TSPAN12: variants seen among roughly 807,000 people sequenced by gnomAD.
TSPAN12 encodes the protein tetraspanin 12.
A neutral mutation model predicts 39.2 loss-of-function variants in TSPAN12; 19 were observed. The observed-to-expected ratio is 0.49, with a 90% CI of 0.34 to 0.71. TSPAN12 has a LOEUF of 0.71. Ranked by LOEUF, TSPAN12 falls within the 30% of genes least tolerant of loss-of-function variation. The probability of loss-of-function intolerance (pLI) is 0.01; values close to 1 mark genes in which losing one functional copy is unlikely to be tolerated. For missense variants in TSPAN12, 314 were observed against 359.9 expected (o/e 0.87, Z 1.03); for synonymous variants, 119 against 124.8 (o/e 0.95, Z 0.31).
At chr7:120,843,847 G>A (rs1194707554) in intron 2 of TSPAN12, among the ~76,000 whole-genome samples, 2 of 152,144 alleles carry the variant, frequency 1.3e-5, no homozygotes, top group African/African-American at 2.4e-5. Context: ...CCCTCTACTT[G>A]GCTATATGTG....
chr7:120,805,303 A>C, intron 7 of TSPAN12, among the ~76,000 whole-genome samples: 1 of 152,266 alleles, frequency 6.6e-6, no homozygotes, highest in African/African-American at 2.4e-5. Flanking sequence ...TACAACATCC[A>C]AATTAATTAA....
intron 2 of TSPAN12, among the ~76,000 whole-genome samples, chr7:120,847,247 A>C (rs1584953086): frequency 1.4e-5 from 2 of 142,116 alleles, no homozygotes; most frequent in South Asian, 4.2e-4. Flanking sequence ...AAAAAAAAAA[A>C]CAAAAAACCA....
At chr7:120,832,343 G>C (rs1347295557) in intron 4 of TSPAN12, among the ~76,000 whole-genome samples, 2 of 151,986 alleles carry the variant, frequency 1.3e-5, no homozygotes, top group Non-Finnish European at 2.9e-5. Context: ...CTAACTTTTT[G>C]ATAAAGACCT....
chr7:120,815,172 A>G (rs1794055833), intron 5 of TSPAN12, among the ~76,000 whole-genome samples: 1 of 152,214 alleles, frequency 6.6e-6, no homozygotes, highest in African/African-American at 2.4e-5. Context: ...TTTACAAATT[A>G]TGGTTTGGAA....
intron 7 of TSPAN12, among the ~76,000 whole-genome samples, chr7:120,806,038 A>G (rs1043053631): frequency 3.9e-5 from 6 of 152,140 alleles, no homozygotes; most frequent in Non-Finnish European, 8.8e-5. Flanking sequence ...GCCACTGAGC[A>G]TAAAACTTAA....
intron 4 of TSPAN12, among the ~76,000 whole-genome samples, chr7:120,820,062 T>C (rs1420651976): frequency 1.3e-5 from 2 of 152,266 alleles, no homozygotes; most frequent in East Asian, 3.9e-4. Flanking sequence ...CCCCTGATGG[T>C]GGCAGCAAGT....
intron 7 of TSPAN12, among the ~76,000 whole-genome samples, chr7:120,797,144 C>A (rs41625): frequency 2.4e-4 from 37 of 152,126 alleles, no homozygotes; most frequent in Non-Finnish European, 1.0e-4. Context: ...GCGACAGAGC[C>A]AGATTTCATC....
At chr7:120,857,425 C>G (rs1057507143) in intron 1 of TSPAN12, 1 of 153,134 alleles carries the variant, frequency 6.5e-6, no homozygotes, top group East Asian at 2.0e-4. Context: ...AGATTCCGCC[C>G]GGCTACTAGG....
chr7:120,813,989 A>G (rs1266734908), intron 5 of TSPAN12: 1 of 224,432 alleles, frequency 4.5e-6, no homozygotes, highest in Non-Finnish European at 9.0e-6. Flanking sequence ...CCTTTTCAGG[A>G]ACTCTCTCTA....
intron 1 of TSPAN12, 138 bp from the exon 2 acceptor site, chr7:120,856,971 A>G: frequency 1.6e-6 from 1 of 626,268 alleles, no homozygotes; most frequent in Non-Finnish European, 2.9e-6. Context: ...CGCCTCATCA[A>G]AAATCATTTG....
At chr7:120,792,465 G>T (rs759599314) in intron 7 of TSPAN12, among the ~76,000 whole-genome samples, 1 of 152,102 alleles carries the variant, frequency 6.6e-6, no homozygotes, top group East Asian at 1.9e-4. Context: ...TGACATATTC[G>T]TGGAGATCTC....
intron 2 of TSPAN12, among the ~76,000 whole-genome samples, chr7:120,843,646 T>C (rs940740805): frequency 6.6e-6 from 1 of 152,204 alleles, no homozygotes; most frequent in African/African-American, 2.4e-5. Context: ...GTGTTTCCCC[T>C]CTTGGCCCCC....
intron 4 of TSPAN12, among the ~76,000 whole-genome samples, chr7:120,836,860 T>G (rs1794485922): frequency 6.6e-6 from 1 of 152,228 alleles, no homozygotes; most frequent in Non-Finnish European, 1.5e-5. Flanking sequence ...TACTAGCATC[T>G]AAGCAGCCTA....
rs566253704 is a variant in TSPAN12, at chr7:120,790,875, C to T, written c.613-1978G>A. Among the ~76,000 whole-genome samples, 11 of 152,326 alleles carry T rather than the reference C, an allele frequency of 7.2e-5. 1 individual carries two copies. The highest frequency in any genetic ancestry group is 2.6e-4 in the Admixed American group (4 of 15,306). ...CAAATAATGTGGCACTATTTTCTCA[C>T]ATCTATCTTTGAAGAAATTGATATA... is the stretch of plus-strand genomic sequence containing the variant. On this transcript the variant is annotated intron_variant, in intron 7 of 7. Coordinates refer to ENST00000222747, the MANE Select transcript of TSPAN12 (RefSeq NM_012338.4).
chr7:120,798,139 C>T (rs952893976), intron 7 of TSPAN12, among the ~76,000 whole-genome samples: 3 of 152,014 alleles, frequency 2.0e-5, no homozygotes, highest in East Asian at 1.9e-4. Context: ...TGAATGATGT[C>T]GAGAAACAGA....
chr7:120,828,078 T>G (rs1184342041), intron 4 of TSPAN12, among the ~76,000 whole-genome samples: 1 of 152,224 alleles, frequency 6.6e-6, no homozygotes, highest in African/African-American at 2.4e-5. Flanking sequence ...TTAGATGGAC[T>G]TCCCCACATG....
chr7:120,834,097 A>G (rs1378552792), intron 4 of TSPAN12, among the ~76,000 whole-genome samples: 1 of 152,140 alleles, frequency 6.6e-6, no homozygotes, highest in Non-Finnish European at 1.5e-5. Context: ...TTTCTGTTCT[A>G]TGACAGTTTC....
chr7:120,817,063 GT>G (rs1794097575), intron 4 of TSPAN12, among the ~76,000 whole-genome samples: 1 of 152,220 alleles, frequency 6.6e-6, no homozygotes, highest in Admixed American at 6.5e-5. Flanking sequence ...ACATAAAAAT[GT>G]TTATCTAAGT....
At chr7:120,832,679 T>C (rs1794409305) in intron 4 of TSPAN12, among the ~76,000 whole-genome samples, 1 of 152,094 alleles carries the variant, frequency 6.6e-6, no homozygotes, top group Non-Finnish European at 1.5e-5. Flanking sequence ...CCCTTTCATC[T>C]TTGTTCTCTC....
Sources: gnomAD v4.1 joint callset for allele counts (sites outside exome capture counted in the v4.1 genomes callset) on GRCh38, gnomAD v4.1.1 for gene constraint, MANE v1.5 for transcripts, NCBI Gene and HGNC (gene_info 2026-07-23, HGNC 2026-07-21) for gene names.